Variants in GPC6 observed in about 807,000 individuals in gnomAD.
The protein encoded by GPC6 is glypican-6.
A neutral mutation model predicts 55.2 loss-of-function variants in GPC6; 14 were observed. The observed-to-expected ratio is 0.25, with a 90% CI of 0.17 to 0.40. GPC6 has a LOEUF of 0.40. Among genes scored for constraint, GPC6 ranks in the 10% least tolerant of loss-of-function variants. The pLI, the probability that GPC6 is intolerant of heterozygous loss-of-function variation, is 1.00. For missense variants in GPC6, 641 were observed against 708.5 expected (o/e 0.90, Z 1.08); for synonymous variants, 278 against 259.6 (o/e 1.07, Z -0.68).
intron 3 of GPC6, among the ~76,000 whole-genome samples, chr13:93,842,802 G>A (rs1483839284): frequency 6.6e-6 from 1 of 151,842 alleles, no homozygotes; most frequent in Non-Finnish European, 1.5e-5. Context: ...TTTGTTGGTG[G>A]TAAGAAAAAT....
chr13:94,147,039 G>T (rs764751230), intron 4 of GPC6, among the ~76,000 whole-genome samples: 2 of 152,118 alleles, frequency 1.3e-5, no homozygotes, highest in Non-Finnish European at 2.9e-5. Context: ...CCTAAAATCA[G>T]TGTATGCTTT....
chr13:93,413,542 GT>G (rs1310477619), intron 1 of GPC6, among the ~76,000 whole-genome samples: 5 of 148,988 alleles, frequency 3.4e-5, no homozygotes, highest in Non-Finnish European at 6.0e-5. Flanking sequence ...TTTTAAAATA[GT>G]GTTGTATTTT....
chr13:93,807,873 A>G (rs981873995), intron 2 of GPC6, among the ~76,000 whole-genome samples: 2 of 152,242 alleles, frequency 1.3e-5, no homozygotes, highest in South Asian at 2.1e-4. Context: ...ATTCAGTGCT[A>G]TGCTGTCTTC....
chr13:93,350,139 GAAAAT>G (rs1331589599), intron 1 of GPC6, among the ~76,000 whole-genome samples: 5 of 152,110 alleles, frequency 3.3e-5, no homozygotes, highest in African/African-American at 9.7e-5. Context: ...GGTTTTAAAA[GAAAAT>G]AAATTCTTGG....
chr13:93,934,986 T>C (rs1594600820), intron 3 of GPC6, among the ~76,000 whole-genome samples: 1 of 152,250 alleles, frequency 6.6e-6, no homozygotes, highest in East Asian at 1.9e-4. Context: ...AGTATTTCAT[T>C]CCTCTTTATG....
chr13:93,732,044 C>T (rs976926986), intron 2 of GPC6, among the ~76,000 whole-genome samples: 4 of 152,084 alleles, frequency 2.6e-5, no homozygotes, highest in African/African-American at 7.2e-5. Context: ...TTCATCCACT[C>T]GAAGCAAAGA....
intron 4 of GPC6, among the ~76,000 whole-genome samples, chr13:94,146,816 A>T (rs970589144): frequency 8.5e-5 from 13 of 152,184 alleles, no homozygotes; most frequent in African/African-American, 3.1e-4. Flanking sequence ...AAGCATTTAG[A>T]TAACTTGGGG....
At chr13:94,150,034 C>T (rs1393825960) in intron 4 of GPC6, among the ~76,000 whole-genome samples, 1 of 152,038 alleles carries the variant, frequency 6.6e-6, no homozygotes, top group African/African-American at 2.4e-5. Flanking sequence ...TTTGGAGTCC[C>T]AAACACTCTG....
At chr13:93,290,200 T>C (rs1265953774) in intron 1 of GPC6, among the ~76,000 whole-genome samples, 1 of 152,104 alleles carries the variant, frequency 6.6e-6, no homozygotes, top group Non-Finnish European at 1.5e-5. Context: ...ATAAAGAATG[T>C]TTGCCTGTGA....
chr13:94,133,267 C>CAAAAAAAAAAAAAAAA (rs66499161), intron 4 of GPC6, among the ~76,000 whole-genome samples: 1 of 85,100 alleles, frequency 1.2e-5, no homozygotes, highest in African/African-American at 5.0e-5. Context: ...TGACCAGTGA[C>CAAAAAAAAAAAAAAAA]AAAAAAAAAA....
At chr13:93,716,843 G>T (rs1297140434) in intron 2 of GPC6, among the ~76,000 whole-genome samples, 1 of 151,520 alleles carries the variant, frequency 6.6e-6, no homozygotes, top group Admixed American at 6.6e-5. Flanking sequence ...TCCATTCATG[G>T]TAAGTGCTGT....
chr13:93,267,963 T>G (rs1346848085), intron 1 of GPC6, among the ~76,000 whole-genome samples: 1 of 152,248 alleles, frequency 6.6e-6, no homozygotes, highest in Non-Finnish European at 1.5e-5. Context: ...CCATACTTGT[T>G]AAGACTGAAT....
At chr13:93,611,443 A>T (rs957272718) in intron 2 of GPC6, among the ~76,000 whole-genome samples, 7 of 152,296 alleles carry the variant, frequency 4.6e-5, no homozygotes, top group Admixed American at 6.5e-5. Flanking sequence ...TATTTTCCAT[A>T]TTGTAGTACA....
intron 1 of GPC6, among the ~76,000 whole-genome samples, chr13:93,506,869 T>C (rs9524101): frequency 0.86 from 121,095 of 140,026 alleles, 52,794 homozygotes; most frequent in Middle Eastern, 0.92. Flanking sequence ...TGAAACCCTG[T>C]CTCTACTAAA....
chr13:93,334,678 GA>G (rs141997663), intron 1 of GPC6, among the ~76,000 whole-genome samples: 5,034 of 152,200 alleles, frequency 0.033, 282 homozygotes, highest in African/African-American at 0.11. Context: ...TCTTGGCTGG[GA>G]TAGTCTCGAA....
In GPC6 at chr13:93,529,559, C is replaced by T. The variant is rs142017949; in HGVS notation, c.161-15704C>T. ...GAGATGGAGTCTCACTCTGTCACCCCGGCTGGAGTGTAGTGGCACCATCTC... is the reference window on the plus strand; with the variant it reads ...GAGATGGAGTCTCACTCTGTCACCCTGGCTGGAGTGTAGTGGCACCATCTC... On this transcript the variant is annotated intron_variant, in intron 1 of 8. Coordinates refer to ENST00000377047, the MANE Select transcript of GPC6 (RefSeq NM_005708.5). Among the ~76,000 whole-genome samples the T allele has an allele frequency of 9.6e-3, 1,404 of 146,694 alleles. 27 individuals carry two copies. Among genetic ancestry groups the T allele is most frequent in the African/African-American group, 0.034 (1,343 of 39,014 alleles).
intron 3 of GPC6, among the ~76,000 whole-genome samples, chr13:93,949,355 G>T (rs1879149667): frequency 6.6e-6 from 1 of 152,276 alleles, no homozygotes; most frequent in East Asian, 1.9e-4. Flanking sequence ...TTTTGTGTTG[G>T]TTCATGCTCA....
At chr13:94,154,279 TAGGCC>T (rs1167166863) in intron 4 of GPC6, 1 of 152,180 alleles carries the variant, frequency 6.6e-6, no homozygotes, top group Non-Finnish European at 1.5e-5. Flanking sequence ...GTGTTGTTTT[TAGGCC>T]AGTAAGAAAT....
intron 5 of GPC6, among the ~76,000 whole-genome samples, chr13:94,303,194 G>A (rs1875751810): frequency 6.6e-6 from 1 of 152,226 alleles, no homozygotes. Flanking sequence ...CCATACAATG[G>A]GAGGGGACCC....
Sources: gnomAD v4.1 joint callset for allele counts (sites outside exome capture counted in the v4.1 genomes callset) on GRCh38, gnomAD v4.1.1 for gene constraint, MANE v1.5 for transcripts, NCBI Gene and HGNC (gene_info 2026-07-23, HGNC 2026-07-21) for gene names.